The following CTNNA2 variants were observed in gnomAD, a reference collection of about 807,000 sequenced individuals.
CTNNA2 encodes the protein catenin alpha 2, also known as catenin alpha-2.
A neutral mutation model predicts 101.0 loss-of-function variants in CTNNA2; 42 were observed. That is an observed-to-expected ratio of 0.42 (90% confidence interval 0.32 to 0.54). The LOEUF is 0.54. CTNNA2 is among the 20% of genes least tolerant of loss of function. CTNNA2 has a pLI of 0.14. For synonymous variants in CTNNA2, 450 were observed against 456.4 expected, an observed-to-expected ratio of 0.99 and a Z score of 0.18; for missense variants, 871 against 1,223.1, an observed-to-expected ratio of 0.71 and a Z score of 4.29.
intron 6 of CTNNA2, among the ~76,000 whole-genome samples, chr2:79,879,896 T>C (rs1683297001): frequency 1.3e-5 from 2 of 152,066 alleles, no homozygotes; most frequent in Non-Finnish European, 2.9e-5. Context: ...TGTTATGTAT[T>C]GGTTTCCAAA....
intron 2 of CTNNA2, among the ~76,000 whole-genome samples, chr2:79,198,377 A>G (rs1673989856): frequency 6.6e-6 from 1 of 152,200 alleles, no homozygotes; most frequent in Admixed American, 6.5e-5. Context: ...AAACAACAAA[A>G]CAACATGAAG....
intron 18 of CTNNA2, among the ~76,000 whole-genome samples, chr2:80,643,556 T>G (rs1215407830): frequency 1.3e-5 from 2 of 152,184 alleles, no homozygotes; most frequent in African/African-American, 4.8e-5. Flanking sequence ...AAAAGGCCCT[T>G]AACCAGGAAA....
At chr2:80,301,212 T>G (rs1676277163) in intron 7 of CTNNA2, among the ~76,000 whole-genome samples, 2 of 152,220 alleles carry the variant, frequency 1.3e-5, no homozygotes, top group Non-Finnish European at 2.9e-5. Context: ...GAATGTGCTG[T>G]CACTGTTTGG....
chr2:80,569,945 A>AT (rs1694430803), intron 12 of CTNNA2, among the ~76,000 whole-genome samples: 1 of 151,930 alleles, frequency 6.6e-6, no homozygotes, highest in Admixed American at 6.6e-5. Flanking sequence ...CCTGGCCTAG[A>AT]TTTTTTAGAC....
intron 1 of CTNNA2, among the ~76,000 whole-genome samples, chr2:79,639,510 G>T (rs1680301897): frequency 1.3e-5 from 2 of 152,026 alleles, no homozygotes; most frequent in Admixed American, 6.6e-5. Context: ...TAAATTATTT[G>T]AAAACACTGT....
intron 7 of CTNNA2, among the ~76,000 whole-genome samples, chr2:80,269,775 T>C (rs1217309084): frequency 1.3e-5 from 2 of 152,216 alleles, no homozygotes; most frequent in Non-Finnish European, 2.9e-5. Context: ...ATATGAGTAG[T>C]CTTCCCACTC....
chr2:79,616,909 C>CTTTTTTTTTTTTTTTTTTTTTT (rs1425285033), intron 1 of CTNNA2, among the ~76,000 whole-genome samples: 2 of 146,340 alleles, frequency 1.4e-5, no homozygotes, highest in African/African-American at 5.3e-5. Context: ...TTCTTTCTTT[C>CTTTTTTTTTTTTTTTTTTTTTT]TTTTTTTTTC....
intron 3 of CTNNA2, among the ~76,000 whole-genome samples, chr2:79,787,300 T>A (rs564134727): frequency 6.6e-6 from 1 of 152,268 alleles, no homozygotes; most frequent in African/African-American, 2.4e-5. Context: ...CGAGACCATA[T>A]GATCTGATCT....
chr2:79,211,405 T>C (rs1378716919), intron 2 of CTNNA2, among the ~76,000 whole-genome samples: 1 of 152,136 alleles, frequency 6.6e-6, no homozygotes, highest in African/African-American at 2.4e-5. Context: ...TAAAGCTGTT[T>C]ATTTCACCTG....
intron 9 of CTNNA2, among the ~76,000 whole-genome samples, chr2:80,486,364 C>G (rs778363723): frequency 2.0e-5 from 3 of 152,084 alleles, no homozygotes; most frequent in Non-Finnish European, 4.4e-5. Flanking sequence ...TTTCACTATT[C>G]ACAAACCCTG....
intron 2 of CTNNA2, among the ~76,000 whole-genome samples, chr2:79,271,420 T>C (rs1355734445): frequency 1.3e-5 from 2 of 152,060 alleles, no homozygotes; most frequent in Non-Finnish European, 2.9e-5. Flanking sequence ...GAAAGACTGA[T>C]AGCGAGAGAG....
At chr2:79,367,552 T>C (rs551926637) in intron 3 of CTNNA2, among the ~76,000 whole-genome samples, 169 of 152,220 alleles carry the variant, frequency 1.1e-3, no homozygotes, top group African/African-American at 2.9e-3. Flanking sequence ...AGGGAGATTT[T>C]ATGAAGCCTT....
At chr2:79,292,322 G>A (rs1057069785) in intron 2 of CTNNA2, among the ~76,000 whole-genome samples, 4 of 152,256 alleles carry the variant, frequency 2.6e-5, no homozygotes, top group Admixed American at 2.6e-4. Context: ...AGCACTGGAA[G>A]AACATTTTCT....
At chr2:79,519,701 A>G (rs1484548356) in intron 1 of CTNNA2, among the ~76,000 whole-genome samples, 1 of 152,156 alleles carries the variant, frequency 6.6e-6, no homozygotes, top group Non-Finnish European at 1.5e-5. Context: ...CTTCAGTGGC[A>G]TATGCTTTCC....
intron 1 of CTNNA2, chr2:79,547,202 C>G (rs1458880251): frequency 6.6e-6 from 1 of 152,120 alleles, no homozygotes; most frequent in Admixed American, 6.6e-5. Context: ...CTCTTTGTGA[C>G]TAATTTTCCA....
chr2:80,623,982 A>T, intron 18 of CTNNA2, among the ~76,000 whole-genome samples: 1 of 134,830 alleles, frequency 7.4e-6, no homozygotes, highest in East Asian at 2.5e-4. Flanking sequence ...AAAGATGGTT[A>T]TTAAATATAA....
chr2:80,583,129 A>G (rs1366694515), intron 14 of CTNNA2, among the ~76,000 whole-genome samples: 1 of 152,198 alleles, frequency 6.6e-6, no homozygotes, highest in Non-Finnish European at 1.5e-5. Context: ...TTGATTTTTC[A>G]GTTTCAGACC....
intron 4 of CTNNA2, among the ~76,000 whole-genome samples, chr2:79,869,326 T>G (rs1398665495): frequency 6.6e-6 from 1 of 152,236 alleles, no homozygotes. Flanking sequence ...AAACTCAGCC[T>G]AAAATTATAA....
At chr2:79,844,482 G>A (rs1201509329) in intron 3 of CTNNA2, among the ~76,000 whole-genome samples, 4 of 152,066 alleles carry the variant, frequency 2.6e-5, no homozygotes, top group African/African-American at 9.7e-5. Flanking sequence ...ACATTATTTT[G>A]TCTGAGTTAG....
Sources: allele counts gnomAD v4.1 joint callset (sites outside exome capture counted in the v4.1 genomes callset), GRCh38; gene constraint gnomAD v4.1.1; transcripts MANE v1.5; gene names NCBI Gene and HGNC (gene_info 2026-07-23, HGNC 2026-07-21).